The following STON1 variants were observed in gnomAD, a reference collection of about 807,000 sequenced individuals.
The protein encoded by STON1 is stonin 1, also known as stonin-1.
STON1 carries 79 observed loss-of-function variants against 60.9 expected under a neutral mutation model. That is an observed-to-expected ratio of 1.30 (90% CI 1.08 to 1.56). The LOEUF (loss-of-function observed/expected upper bound fraction) is 1.56, where lower values mean the gene tolerates loss of function less well. Among genes scored for constraint, STON1 ranks in the 40% most tolerant of loss-of-function variants. The pLI, the probability that STON1 is intolerant of heterozygous loss-of-function variation, is 0.00. For synonymous variants in STON1, 363 were observed against 306.9 expected (o/e 1.18, Z -1.91); for missense variants, 1,166 against 858.9 (o/e 1.36, Z -4.47).
At chr2:48,534,803 G>GAAAAAC (rs1328447575) in intron 1 of STON1, among the ~76,000 whole-genome samples, 1 of 152,124 alleles carries the variant, frequency 6.6e-6, no homozygotes. Context: ...TGAGGAGGGA[G>GAAAAAC]AAAAACAAAA....
intron 1 of STON1, among the ~76,000 whole-genome samples, chr2:48,574,496 A>G (rs1399215036): frequency 6.6e-6 from 1 of 152,204 alleles, no homozygotes; most frequent in Non-Finnish European, 1.5e-5. Flanking sequence ...TAAAAGGGTG[A>G]ATTCATGGTA....
chr2:48,555,521 C>T (rs1402968192), intron 1 of STON1, among the ~76,000 whole-genome samples: 515 of 62,442 alleles, frequency 8.2e-3, no homozygotes, highest in Admixed American at 9.6e-3. Context: ...ACCTCCCTCA[C>T]GGACGAGGCG....
At chr2:48,540,190 T>C (rs1369964817) in intron 1 of STON1, among the ~76,000 whole-genome samples, 4 of 152,322 alleles carry the variant, frequency 2.6e-5, no homozygotes, top group African/African-American at 9.6e-5. Context: ...CATATTTTTG[T>C]TCAGTGTTTT....
chr2:48,564,056 C>G (rs1452753569), intron 1 of STON1, among the ~76,000 whole-genome samples: 1 of 152,266 alleles, frequency 6.6e-6, no homozygotes, highest in Admixed American at 6.5e-5. Flanking sequence ...AGGCCCGTGA[C>G]TGGCTCTGGG....
intron 2 of STON1, 140 bp from the exon 3 acceptor site, chr2:48,591,513 A>G: frequency 8.7e-7 from 1 of 1,153,012 alleles, no homozygotes; most frequent in Non-Finnish European, 1.2e-6. Context: ...TTTTCATGGT[A>G]TGTTGTTTAA....
chr2:48,533,065 C>T (rs954704283), intron 1 of STON1, among the ~76,000 whole-genome samples: 3 of 151,806 alleles, frequency 2.0e-5, no homozygotes, highest in Non-Finnish European at 4.4e-5. Context: ...CCAGACTGGG[C>T]AACAAAGTGA....
intron 1 of STON1, among the ~76,000 whole-genome samples, chr2:48,554,636 C>T (rs903123926): frequency 1.3e-5 from 2 of 151,782 alleles, no homozygotes; most frequent in South Asian, 2.1e-4. Flanking sequence ...AGGCTAAGGT[C>T]GAAAATGTCA....
At chr2:48,572,307 A>C (rs1345769841) in intron 1 of STON1, among the ~76,000 whole-genome samples, 1 of 152,074 alleles carries the variant, frequency 6.6e-6, no homozygotes, top group Non-Finnish European at 1.5e-5. Context: ...TCCAGGACAA[A>C]GGTTTGGGTT....
chr2:48,534,163 A>C (rs1671334587), intron 1 of STON1, among the ~76,000 whole-genome samples: 1 of 152,232 alleles, frequency 6.6e-6, no homozygotes, highest in African/African-American at 2.4e-5. Context: ...TATGTGCATC[A>C]AAATGGATGG....
chr2:48,581,919 A>T lies in STON1; in HGVS notation c.1286A>T (p.Lys429Ile). ...IVDNFWGKVT[K>I]EGKFVESAVI... ...GACAACTTTTGGGGTAAAGTCACAA[A>T]AGAAGGAAAATTTGTTGAAAGTGCT... Residue 429 changes from lysine (K) to isoleucine (I), a missense_variant, in exon 2 of 4, where the codon AAA (lysine) becomes ATA (isoleucine). By Grantham distance (102) the Lys-to-Ile change is moderately radical. Transcript: ENST00000404752. 6.2e-7 allele frequency: 1 copy of T among 1,614,102 alleles called. No individual in the cohort carries two copies. Among genetic ancestry groups the T allele is most frequent in the Non-Finnish European group, 8.5e-7 (1 of 1,180,016 alleles).
rs1673813214 is a variant in STON1 at position 48,580,577 on chromosome 2, T to A, written c.-47-10T>A. ...ATACCTATTTTCTCTTTATTTTATTTTTTTAACAGAGTCAACCTATTTGAT... is the reference window on the plus strand; with the variant it reads ...ATACCTATTTTCTCTTTATTTTATTATTTTAACAGAGTCAACCTATTTGAT... On this transcript the variant is annotated splice_polypyrimidine_tract_variant and intron_variant, in intron 1 of 3. Transcript: ENST00000404752. 7.6e-7 allele frequency: 1 copy of A among 1,319,616 alleles called. No homozygotes were observed. The highest frequency in any genetic ancestry group is 9.7e-7 in the Non-Finnish European group (1 of 1,026,056). 81.7% of individuals were successfully genotyped at this position (1,319,616 alleles called of 1,614,324 possible).
chr2:48,572,036 G>A (rs887556956), intron 1 of STON1, among the ~76,000 whole-genome samples: 10 of 152,092 alleles, frequency 6.6e-5, no homozygotes, highest in Non-Finnish European at 1.2e-4. Flanking sequence ...GGTGGTGGGC[G>A]CCTGTAATCC....
rs191160606 is a variant in STON1, at chr2:48,597,975, C to T, written c.*2673C>T. The stretch of plus-strand genomic sequence containing the variant: ...GGAAAGGAATGAGGGAGGAAATATT[C>T]CTTTCTAGCATTCATTTTGCTTAGA... On this transcript the variant is annotated 3_prime_UTR_variant, in exon 4 of 4. Transcript: ENST00000404752. The T allele has an allele frequency of 6.6e-6, 1 of 152,246 alleles. No individual in the cohort carries two copies. The highest frequency in any genetic ancestry group is 1.5e-5 in the Non-Finnish European group (1 of 68,000). 9.4% of individuals were successfully genotyped at this position (152,246 alleles called of 1,614,324 possible). A position where few individuals can be genotyped will look rare whatever the true frequency, so the allele number is the denominator to read the frequency against.
intron 2 of STON1, among the ~76,000 whole-genome samples, chr2:48,585,404 C>T (rs1674150819): frequency 6.6e-6 from 1 of 152,056 alleles, no homozygotes; most frequent in African/African-American, 2.4e-5. Context: ...CGCACCACCA[C>T]ACCCGGCTAA....
rs1674762505 is a variant in STON1, at chr2:48,595,841, A to C, written c.*539A>C. ...AAGTATCTGTGCTTTTGAATTACTT[A>C]TTTACCTGTCCTCTTACCGTTGGTA... is the stretch of plus-strand genomic sequence containing the variant. On this transcript the variant is annotated 3_prime_UTR_variant, in exon 4 of 4. Transcript: ENST00000404752. The C allele has an allele frequency of 6.5e-6, 1 of 152,828 alleles. No individual in the cohort carries two copies. Among genetic ancestry groups the C allele is most frequent in the Non-Finnish European group, 1.5e-5 (1 of 68,596 alleles). The allele number at this position is 152,828 out of a possible 1,614,324, so 9.5% of individuals were successfully genotyped here.
At chr2:48,577,051 C>T (rs1673553130) in intron 1 of STON1, among the ~76,000 whole-genome samples, 1 of 125,466 alleles carries the variant, frequency 8.0e-6, no homozygotes, top group South Asian at 2.7e-4. Context: ...GAGATTCCAT[C>T]TCAAAAAAAA....
intron 2 of STON1, among the ~76,000 whole-genome samples, chr2:48,583,902 C>T (rs1674049555): frequency 6.6e-6 from 1 of 152,020 alleles, no homozygotes; most frequent in African/African-American, 2.4e-5. Context: ...CAGGCGCCCA[C>T]CACCATGCCT....
intron 3 of STON1, among the ~76,000 whole-genome samples, chr2:48,592,961 C>T (rs895415988): frequency 1.3e-5 from 2 of 151,946 alleles, no homozygotes; most frequent in African/African-American, 4.8e-5. Flanking sequence ...CTTCTGCATT[C>T]TTAGGCAGAT....
intron 1 of STON1, among the ~76,000 whole-genome samples, chr2:48,563,796 C>A (rs1672710155): frequency 6.6e-6 from 1 of 152,058 alleles, no homozygotes; most frequent in African/African-American, 2.4e-5. Flanking sequence ...CAGGTTCAAG[C>A]AGTTCTCTCA....
Sources: gnomAD v4.1 joint callset for allele counts (sites outside exome capture counted in the v4.1 genomes callset) on GRCh38, gnomAD v4.1.1 for gene constraint, MANE v1.5 for transcripts, NCBI Gene and HGNC (gene_info 2026-07-23, HGNC 2026-07-21) for gene names.